TTC28: variants seen among roughly 807,000 people sequenced by gnomAD.
The protein encoded by TTC28 is tetratricopeptide repeat protein 28.
A neutral mutation model predicts 198.0 loss-of-function variants in TTC28; 61 were observed. The observed-to-expected ratio is 0.31, with a 90% CI of 0.25 to 0.38. The LOEUF is 0.38. Among genes scored for constraint, TTC28 ranks in the 10% least tolerant of loss-of-function variants. The probability of loss-of-function intolerance (pLI) is 1.00; values close to 1 mark genes in which losing one functional copy is unlikely to be tolerated. For missense variants in TTC28, 2,678 were observed against 3,164.0 expected (o/e 0.85, Z 3.69); for synonymous variants, 1,171 against 1,297.8 (o/e 0.90, Z 2.10).
At chr22:28,152,768 C>A (rs1233305901) in intron 6 of TTC28, among the ~76,000 whole-genome samples, 1 of 152,096 alleles carries the variant, frequency 6.6e-6, no homozygotes, top group Non-Finnish European at 1.5e-5. Flanking sequence ...AAACATTTTA[C>A]CTATAAAGCT....
chr22:28,439,124 T>C (rs116002577), intron 2 of TTC28, among the ~76,000 whole-genome samples: 1,769 of 152,328 alleles, frequency 0.012, 32 homozygotes, highest in African/African-American at 0.04. Context: ...ATTGAGCAAC[T>C]ATATTATCCT....
intron 6 of TTC28, among the ~76,000 whole-genome samples, chr22:28,153,556 C>A (rs1043582099): frequency 4.6e-5 from 7 of 151,734 alleles, no homozygotes; most frequent in African/African-American, 1.7e-4. Context: ...ACATGTGACA[C>A]TGAGTAGGTT....
At chr22:28,598,732 G>A (rs1469816065) in intron 2 of TTC28, among the ~76,000 whole-genome samples, 1 of 152,052 alleles carries the variant, frequency 6.6e-6, no homozygotes, top group Non-Finnish European at 1.5e-5. Flanking sequence ...TCCATTTGGG[G>A]TATAGGAAAC....
intron 2 of TTC28, among the ~76,000 whole-genome samples, chr22:28,594,043 C>T (rs1201970421): frequency 1.3e-5 from 2 of 151,910 alleles, no homozygotes; most frequent in Middle Eastern, 3.4e-3. Flanking sequence ...GATACAAAGA[C>T]GAAAACAAAA....
chr22:28,032,951 T>C (rs1460201201), intron 12 of TTC28, among the ~76,000 whole-genome samples: 1 of 152,196 alleles, frequency 6.6e-6, no homozygotes, highest in East Asian at 1.9e-4. Flanking sequence ...GGTGAAGGCT[T>C]GAAAGGCTCC....
intron 6 of TTC28, among the ~76,000 whole-genome samples, chr22:28,111,649 G>A (rs767051987): frequency 1.3e-5 from 2 of 152,086 alleles, no homozygotes; most frequent in East Asian, 1.9e-4. Flanking sequence ...GAACAGAGCC[G>A]GAGCTGGGGA....
chr22:28,009,897 G>C (rs751353462), intron 14 of TTC28, among the ~76,000 whole-genome samples: 1 of 152,212 alleles, frequency 6.6e-6, no homozygotes, highest in Non-Finnish European at 1.5e-5. Flanking sequence ...ATACACAATG[G>C]ATCATTTTAG....
chr22:28,476,100 A>G (rs2048161959), intron 2 of TTC28, among the ~76,000 whole-genome samples: 1 of 152,148 alleles, frequency 6.6e-6, no homozygotes, highest in Non-Finnish European at 1.5e-5. Flanking sequence ...GCAATCCAAG[A>G]CCAGGACATT....
At chr22:28,179,943 AG>A (rs1200487930) in intron 5 of TTC28, among the ~76,000 whole-genome samples, 1 of 152,224 alleles carries the variant, frequency 6.6e-6, no homozygotes, top group Non-Finnish European at 1.5e-5. Context: ...ACATTTTTAT[AG>A]AAAAAACAAA....
chr22:28,610,132 T>C (rs1052366409), intron 2 of TTC28, among the ~76,000 whole-genome samples: 1 of 152,076 alleles, frequency 6.6e-6, no homozygotes, highest in Non-Finnish European at 1.5e-5. Flanking sequence ...GGACAAAGCA[T>C]GTGGGGGAAG....
chr22:28,053,116 T>C (rs918633934), intron 12 of TTC28, among the ~76,000 whole-genome samples: 1 of 152,222 alleles, frequency 6.6e-6, no homozygotes, highest in Non-Finnish European at 1.5e-5. Context: ...AGCAAATGTA[T>C]CGGCACGTTG....
chr22:28,493,465 C>G (rs1384472674), intron 2 of TTC28, among the ~76,000 whole-genome samples: 1 of 152,142 alleles, frequency 6.6e-6, no homozygotes, highest in Non-Finnish European at 1.5e-5. Flanking sequence ...AAAAAACATT[C>G]ATTCTGTCTT....
chr22:27,998,485 T>A (rs1193354530), intron 16 of TTC28, 55 bp downstream of exon 16: 1 of 1,504,444 alleles, frequency 6.6e-7, no homozygotes, highest in East Asian at 2.5e-5. Context: ...GTCGGGGGGC[T>A]GTGAGGACTG....
At chr22:28,229,338 C>T (rs1928621187) in intron 5 of TTC28, among the ~76,000 whole-genome samples, 1 of 152,126 alleles carries the variant, frequency 6.6e-6, no homozygotes, top group African/African-American at 2.4e-5. Context: ...TTAAGTGAAG[C>T]CAGCTAAAAT....
At chr22:28,504,665 A>G (rs2048581560) in intron 2 of TTC28, among the ~76,000 whole-genome samples, 1 of 152,198 alleles carries the variant, frequency 6.6e-6, no homozygotes, top group Non-Finnish European at 1.5e-5. Flanking sequence ...TTTTGCCAAC[A>G]TAACATTTTT....
chr22:28,279,598 C>G (rs2044543390), intron 5 of TTC28, among the ~76,000 whole-genome samples: 1 of 152,206 alleles, frequency 6.6e-6, no homozygotes, highest in Non-Finnish European at 1.5e-5. Context: ...TCTCGAACTT[C>G]TTATCTTGTG....
chr22:28,145,894 C>T (rs1230069923), intron 6 of TTC28, among the ~76,000 whole-genome samples: 1 of 152,218 alleles, frequency 6.6e-6, no homozygotes, highest in Non-Finnish European at 1.5e-5. Flanking sequence ...ACAGCCACCT[C>T]ATGAGATGGG....
chr22:28,474,926 A>G (rs1369692147), intron 2 of TTC28, among the ~76,000 whole-genome samples: 1 of 152,158 alleles, frequency 6.6e-6, no homozygotes, highest in Non-Finnish European at 1.5e-5. Flanking sequence ...CATATATGAG[A>G]ATTTCAAAAA....
intron 6 of TTC28, among the ~76,000 whole-genome samples, chr22:28,141,486 G>A (rs527493620): frequency 6.6e-6 from 1 of 151,982 alleles, no homozygotes; most frequent in South Asian, 2.1e-4. Context: ...TCACTGAAAG[G>A]GAACAGTAAG....
Sources: allele counts gnomAD v4.1 joint callset (sites outside exome capture counted in the v4.1 genomes callset), GRCh38; gene constraint gnomAD v4.1.1; transcripts MANE v1.5; gene names NCBI Gene and HGNC (gene_info 2026-07-23, HGNC 2026-07-21).